CHN2: variants seen among roughly 807,000 people sequenced by gnomAD.
The protein encoded by CHN2 is beta-chimaerin.
CHN2 carries 35 observed loss-of-function variants against 56.3 expected under a neutral mutation model. The ratio of observed to expected loss-of-function variants is 0.62; its 90% CI spans 0.47 to 0.82. The LOEUF is 0.82. Ranked by LOEUF, CHN2 falls within the 40% of genes least tolerant of loss-of-function variation. The pLI, the probability that CHN2 is intolerant of heterozygous loss-of-function variation, is 0.00. For synonymous variants in CHN2, 210 were observed against 212.8 expected, an observed-to-expected ratio of 0.99 and a Z score of 0.12; for missense variants, 491 against 580.5, an observed-to-expected ratio of 0.85 and a Z score of 1.58.
rs569621030 is a variant in CHN2, at chr7:29,254,203, G to A, written c.49+59213G>A. On this transcript the variant is annotated intron_variant, in intron 1 of 12. Coordinates refer to ENST00000222792, the MANE Select transcript of CHN2 (RefSeq NM_004067.4). ...CAGGCGTGAACCACCACACCCAGCCGCTATTCTTTTTCTACTAGATGATAA... is the reference window on the plus strand; with the variant it reads ...CAGGCGTGAACCACCACACCCAGCCACTATTCTTTTTCTACTAGATGATAA... 2.9e-3 allele frequency among the ~76,000 whole-genome samples: 443 copies of A among 152,182 alleles called. 3 individuals are homozygous for A. The highest frequency in any genetic ancestry group is 0.01 in the African/African-American group (423 of 41,544).
chr7:29,355,711 C>G (rs903222897), intron 2 of CHN2, among the ~76,000 whole-genome samples: 1 of 149,906 alleles, frequency 6.7e-6, no homozygotes, highest in Non-Finnish European at 1.5e-5. Flanking sequence ...CTGCCCTGTG[C>G]TGGCCACCGC....
chr7:29,147,568 A>G (rs1169043109), intron 2 of CHN2, among the ~76,000 whole-genome samples: 3 of 152,230 alleles, frequency 2.0e-5, no homozygotes, highest in Non-Finnish European at 4.4e-5. Context: ...GTGAGGACTC[A>G]CTGAAAAACT....
intron 1 of CHN2, among the ~76,000 whole-genome samples, chr7:29,345,187 T>C (rs974033784): frequency 3.3e-5 from 5 of 152,194 alleles, no homozygotes; most frequent in African/African-American, 1.2e-4. Flanking sequence ...TACACCTGCC[T>C]GAAAAAGACA....
rs141371608 is a variant in CHN2 at position 29,225,489 on chromosome 7, T to C, written c.49+30499T>C. 1.5e-3 allele frequency among the ~76,000 whole-genome samples: 236 copies of C among 152,316 alleles called. 1 individual carries two copies. Among genetic ancestry groups the C allele is most frequent in the African/African-American group, 5.3e-3 (221 of 41,570 alleles). ...CTGTGTGCAAATGTGTGTGCCTGAGTGCCTTCTGACTATCCATTTCAACAG... is the reference window on the plus strand; with the variant it reads ...CTGTGTGCAAATGTGTGTGCCTGAGCGCCTTCTGACTATCCATTTCAACAG... On this transcript the variant is annotated intron_variant, in intron 1 of 12. Coordinates refer to ENST00000222792, the MANE Select transcript of CHN2 (RefSeq NM_004067.4).
At chr7:29,251,538 A>T (rs1444698846) in intron 1 of CHN2, among the ~76,000 whole-genome samples, 1 of 152,226 alleles carries the variant, frequency 6.6e-6, no homozygotes, top group Admixed American at 6.5e-5. Context: ...TGTTATAGGG[A>T]TGAGATATAT....
intron 6 of CHN2, among the ~76,000 whole-genome samples, chr7:29,449,707 C>T (rs900597187): frequency 2.0e-5 from 3 of 152,168 alleles, no homozygotes; most frequent in Non-Finnish European, 4.4e-5. Context: ...TAAATGTGGG[C>T]TGTGATTGAC....
chr7:29,342,212 A>G (rs934108916), intron 1 of CHN2, among the ~76,000 whole-genome samples: 11 of 152,196 alleles, frequency 7.2e-5, no homozygotes, highest in African/African-American at 2.7e-4. Context: ...GGATGGCTGG[A>G]TGGCTGGATG....
intron 2 of CHN2, among the ~76,000 whole-genome samples, chr7:29,161,588 A>G (rs910070664): frequency 6.6e-6 from 1 of 152,172 alleles, no homozygotes; most frequent in Non-Finnish European, 1.5e-5. Context: ...AATTCCATGT[A>G]TTCTCTAAGC....
chr7:29,171,854 C>T (rs1796650414), intron 2 of CHN2, among the ~76,000 whole-genome samples: 2 of 152,176 alleles, frequency 1.3e-5, no homozygotes, highest in Admixed American at 6.5e-5. Flanking sequence ...TTCAAGCATG[C>T]CGTCACATAT....
chr7:29,225,569 T>C (rs1381855261), intron 1 of CHN2, among the ~76,000 whole-genome samples: 1 of 152,204 alleles, frequency 6.6e-6, no homozygotes, highest in Non-Finnish European at 1.5e-5. Context: ...TTTGCAAAAC[T>C]GAGTTTGATT....
chr7:29,333,269 C>T (rs1796364295), intron 1 of CHN2, among the ~76,000 whole-genome samples: 1 of 152,162 alleles, frequency 6.6e-6, no homozygotes, highest in African/African-American at 2.4e-5. Flanking sequence ...CACCAGGCGT[C>T]AGTGGAGGAC....
chr7:29,163,450 T>C (rs1795476103), intron 2 of CHN2, among the ~76,000 whole-genome samples: 1 of 152,202 alleles, frequency 6.6e-6, no homozygotes, highest in South Asian at 2.1e-4. Context: ...TATTTCTATT[T>C]CCTGCTCTAA....
intron 1 of CHN2, among the ~76,000 whole-genome samples, chr7:29,251,624 T>TA (rs1331439563): frequency 5.3e-5 from 8 of 152,164 alleles, no homozygotes; most frequent in African/African-American, 1.9e-4. Flanking sequence ...AACTAACACT[T>TA]ACACAGAATT....
chr7:29,271,654 C>G (rs1790653027), intron 1 of CHN2, among the ~76,000 whole-genome samples: 1 of 152,194 alleles, frequency 6.6e-6, no homozygotes, highest in South Asian at 2.1e-4. Context: ...ACTTCTTGTG[C>G]AGAATCGATT....
At chr7:29,343,396 C>G (rs958842702) in intron 1 of CHN2, among the ~76,000 whole-genome samples, 1 of 152,144 alleles carries the variant, frequency 6.6e-6, no homozygotes, top group Admixed American at 6.5e-5. Context: ...CCCTCAACCC[C>G]TTGTCTCCCT....
intron 1 of CHN2, among the ~76,000 whole-genome samples, chr7:29,195,625 AGAGAGTGTGTGT>A (rs1404718533): frequency 1.7e-5 from 2 of 116,056 alleles, no homozygotes; most frequent in African/African-American, 7.9e-5. Context: ...AGAGAGAGAG[AGAGAGTGTGTGT>A]GTGTGTGTGT....
At chr7:29,166,638 A>T (rs574587690) in intron 2 of CHN2, among the ~76,000 whole-genome samples, 1 of 152,092 alleles carries the variant, frequency 6.6e-6, no homozygotes, top group Non-Finnish European at 1.5e-5. Flanking sequence ...AAGTTGTCAA[A>T]TATTATGGCA....
chr7:29,375,603 A>T (rs1800014816), intron 3 of CHN2, among the ~76,000 whole-genome samples: 1 of 152,240 alleles, frequency 6.6e-6, no homozygotes. Context: ...AACTGATAGC[A>T]TCGTGTGTTA....
intron 9 of CHN2, among the ~76,000 whole-genome samples, chr7:29,501,278 T>C (rs1040411611): frequency 5.9e-5 from 9 of 152,232 alleles, no homozygotes; most frequent in Non-Finnish European, 1.3e-4. Context: ...ATGCCTTCTA[T>C]CTTTTCACCA....
Sources: gnomAD v4.1 joint callset for allele counts (sites outside exome capture counted in the v4.1 genomes callset) on GRCh38, gnomAD v4.1.1 for gene constraint, MANE v1.5 for transcripts, NCBI Gene and HGNC (gene_info 2026-07-23, HGNC 2026-07-21) for gene names.